ATRNL1: variants seen among roughly 807,000 people sequenced by gnomAD.
The protein encoded by ATRNL1 is attractin-like protein 1.
In ATRNL1, 95 loss-of-function variants were observed where a neutral mutation model predicts 182.7. The observed-to-expected ratio is 0.52, with a 90% CI of 0.44 to 0.62. The LOEUF (loss-of-function observed/expected upper bound fraction) is 0.62, where lower values mean the gene tolerates loss of function less well. ATRNL1 is among the 20% of genes least tolerant of loss of function. The probability of loss-of-function intolerance (pLI) is 0.00; values close to 1 mark genes in which losing one functional copy is unlikely to be tolerated. For missense variants in ATRNL1, 1,471 were observed against 1,679.5 expected, an observed-to-expected ratio of 0.88 and a Z score of 2.17; for synonymous variants, 576 against 568.3, an observed-to-expected ratio of 1.01 and a Z score of -0.19.
intron 26 of ATRNL1, among the ~76,000 whole-genome samples, chr10:115,600,954 T>C (rs1856559913): frequency 6.6e-6 from 1 of 150,750 alleles, no homozygotes; most frequent in Non-Finnish European, 1.5e-5. Flanking sequence ...TTTTGCCCTG[T>C]ATGGATGTCC....
intron 27 of ATRNL1, among the ~76,000 whole-genome samples, chr10:115,796,920 A>G (rs1215018316): frequency 3.9e-5 from 6 of 152,234 alleles, no homozygotes; most frequent in African/African-American, 2.4e-5. Context: ...ATCAAAAATC[A>G]TTGATCAGAA....
intron 19 of ATRNL1, among the ~76,000 whole-genome samples, chr10:115,389,255 C>T (rs1554953510): frequency 1.3e-5 from 2 of 151,784 alleles, no homozygotes; most frequent in African/African-American, 2.4e-5. Flanking sequence ...ACCTATAATA[C>T]CAGCACTTTG....
At chr10:115,185,977 T>C (rs781708177) in intron 8 of ATRNL1, among the ~76,000 whole-genome samples, 7 of 152,068 alleles carry the variant, frequency 4.6e-5, no homozygotes, top group Non-Finnish European at 7.4e-5. Context: ...CTCTGTCTCA[T>C]CTATTCAGTT....
chr10:115,771,637 T>C (rs1555076433), intron 27 of ATRNL1, among the ~76,000 whole-genome samples: 1 of 152,226 alleles, frequency 6.6e-6, no homozygotes, highest in African/African-American at 2.4e-5. Context: ...GAGTCTAATA[T>C]ACCAGCGTTA....
chr10:115,626,959 A>G (rs1555024823), intron 26 of ATRNL1, among the ~76,000 whole-genome samples: 1 of 152,084 alleles, frequency 6.6e-6, no homozygotes, highest in Non-Finnish European at 1.5e-5. Flanking sequence ...CCTCCATATA[A>G]CCTCCATATT....
intron 26 of ATRNL1, among the ~76,000 whole-genome samples, chr10:115,561,488 A>G (rs2784800): frequency 0.3 from 45,046 of 152,130 alleles, 7,820 homozygotes; most frequent in East Asian, 0.68. Flanking sequence ...ACAACTATTT[A>G]CATAACATTT....
intron 27 of ATRNL1, among the ~76,000 whole-genome samples, chr10:115,752,681 GC>G (rs1948480419): frequency 6.6e-6 from 1 of 152,006 alleles, no homozygotes; most frequent in Non-Finnish European, 1.5e-5. Context: ...TTTTAAAGAA[GC>G]CTCTATAGCG....
At chr10:115,539,202 G>A (rs1852211635) in intron 25 of ATRNL1, among the ~76,000 whole-genome samples, 1 of 152,152 alleles carries the variant, frequency 6.6e-6, no homozygotes, top group South Asian at 2.1e-4. Context: ...TTATGTTGAG[G>A]TGTAATTCAA....
intron 21 of ATRNL1, among the ~76,000 whole-genome samples, chr10:115,437,341 AG>A (rs1381917918): frequency 6.6e-6 from 1 of 152,030 alleles, no homozygotes; most frequent in Admixed American, 6.6e-5. Flanking sequence ...GGGTATTTAG[AG>A]GAGAGAAAAA....
chr10:115,817,913 A>C (rs1487707868), intron 27 of ATRNL1, among the ~76,000 whole-genome samples: 1 of 147,992 alleles, frequency 6.8e-6, no homozygotes, highest in African/African-American at 2.5e-5. Flanking sequence ...ATGTTTAGTC[A>C]CACAAACTTG....
chr10:115,369,683 T>G (rs1255086712), intron 19 of ATRNL1, among the ~76,000 whole-genome samples: 1 of 152,168 alleles, frequency 6.6e-6, no homozygotes, highest in Non-Finnish European at 1.5e-5. Flanking sequence ...TAATTTACAT[T>G]CCCCCCAACA....
At chr10:115,793,451 A>G (rs1258998867) in intron 27 of ATRNL1, among the ~76,000 whole-genome samples, 1 of 152,136 alleles carries the variant, frequency 6.6e-6, no homozygotes, top group Non-Finnish European at 1.5e-5. Context: ...ATATTCATAT[A>G]ATAGTAGCTC....
At chr10:115,103,782 GAAAAT>G (rs1843885160) in intron 1 of ATRNL1, among the ~76,000 whole-genome samples, 2 of 152,148 alleles carry the variant, frequency 1.3e-5, no homozygotes, top group African/African-American at 4.8e-5. Context: ...AAATAACTGA[GAAAAT>G]GCAATGTTTG....
At chr10:115,468,852 T>A (rs1396200179) in intron 23 of ATRNL1, among the ~76,000 whole-genome samples, 1 of 150,692 alleles carries the variant, frequency 6.6e-6, no homozygotes, top group African/African-American at 2.4e-5. Flanking sequence ...GCTTTAATCT[T>A]TCTGAGGCTT....
intron 21 of ATRNL1, among the ~76,000 whole-genome samples, chr10:115,452,288 T>G (rs1847318418): frequency 6.6e-6 from 1 of 152,182 alleles, no homozygotes; most frequent in Non-Finnish European, 1.5e-5. Flanking sequence ...TGGAGGGGTT[T>G]TCAACTTTAT....
intron 26 of ATRNL1, among the ~76,000 whole-genome samples, chr10:115,599,743 G>T (rs2769385): frequency 0.97 from 148,121 of 152,246 alleles, 72,211 homozygotes; most frequent in Non-Finnish European, 1. Context: ...TCAAAAAGAT[G>T]CTTTAGAACT....
intron 13 of ATRNL1, among the ~76,000 whole-genome samples, chr10:115,273,778 G>A (rs903597521): frequency 6.6e-6 from 1 of 152,206 alleles, no homozygotes; most frequent in Non-Finnish European, 1.5e-5. Flanking sequence ...CTGGGAGAGA[G>A]AAGGCAGTGT....
intron 26 of ATRNL1, among the ~76,000 whole-genome samples, chr10:115,676,561 TATC>T: frequency 6.6e-6 from 1 of 152,026 alleles, no homozygotes; most frequent in Middle Eastern, 3.4e-3. Context: ...ATATCTGTAT[TATC>T]TACAACTGTA....
chr10:115,721,879 T>A (rs1230346086), intron 26 of ATRNL1, among the ~76,000 whole-genome samples: 1 of 152,202 alleles, frequency 6.6e-6, no homozygotes, highest in East Asian at 1.9e-4. Context: ...CAGTGAAAGG[T>A]AGGTTTAGGT....
Sources: allele counts gnomAD v4.1 joint callset (sites outside exome capture counted in the v4.1 genomes callset), GRCh38; gene constraint gnomAD v4.1.1; transcripts MANE v1.5; gene names NCBI Gene and HGNC (gene_info 2026-07-23, HGNC 2026-07-21).